Variants in TMTC2 observed in about 807,000 individuals in gnomAD.
TMTC2 encodes the protein protein O-mannosyl-transferase TMTC2.
Under a neutral mutation model 82.4 loss-of-function variants are expected in TMTC2, and 43 were observed. That is an observed-to-expected ratio of 0.52 (90% CI 0.41 to 0.67). The LOEUF is 0.67. Ranked by LOEUF, TMTC2 falls within the 30% of genes least tolerant of loss-of-function variation. The pLI is 0.00. For synonymous variants in TMTC2, 408 were observed against 381.9 expected, an observed-to-expected ratio of 1.07 and a Z score of -0.80; for missense variants, 919 against 1,012.4, an observed-to-expected ratio of 0.91 and a Z score of 1.25.
At chr12:83,049,451 A>G (rs1020813834) in intron 9 of TMTC2, among the ~76,000 whole-genome samples, 44 of 152,142 alleles carry the variant, frequency 2.9e-4, no homozygotes, top group Non-Finnish European at 5.1e-4. Flanking sequence ...GCTTCAGATT[A>G]TGGCCTCCAG....
chr12:82,821,359 C>T (rs1227209087), intron 1 of TMTC2, among the ~76,000 whole-genome samples: 1 of 152,124 alleles, frequency 6.6e-6, no homozygotes, highest in Non-Finnish European at 1.5e-5. Context: ...CTAAAAGATT[C>T]ATGATGCCAA....
intron 2 of TMTC2, among the ~76,000 whole-genome samples, chr12:82,880,555 G>C (rs1384919117): frequency 1.3e-5 from 2 of 152,156 alleles, no homozygotes; most frequent in African/African-American, 4.8e-5. Context: ...CAGTTAACCG[G>C]TCCCTTCCAC....
Position 82,995,321 on chromosome 12 carries a change from G to T in TMTC2, c.2070+9275G>T, listed in dbSNP as rs564820565. On this transcript the variant is annotated intron_variant, in intron 8 of 11. Coordinates refer to ENST00000321196, the MANE Select transcript of TMTC2 (RefSeq NM_152588.3). Reference sequence around the variant, plus strand: ...ATGTATTTTTTCCTTGTGGCATTTGGTTATACACACACACATACACACACA... The same window carrying T: ...ATGTATTTTTTCCTTGTGGCATTTGTTTATACACACACACATACACACACA... 4.6e-5 allele frequency among the ~76,000 whole-genome samples: 4 copies of T among 87,154 alleles called. No homozygotes were observed. In the South Asian group the frequency reaches 2.7e-3, roughly 58 times the overall value. The allele number at this position is 87,154 out of a possible 152,430, so 57.2% of individuals were successfully genotyped here. A position where few individuals can be genotyped will look rare whatever the true frequency, so the allele number is the denominator to read the frequency against.
At chr12:82,886,024 T>C (rs188448477) in intron 2 of TMTC2, among the ~76,000 whole-genome samples, 1 of 152,364 alleles carries the variant, frequency 6.6e-6, no homozygotes, top group Admixed American at 6.5e-5. Context: ...GTATCACTTA[T>C]CAATATGGAC....
intron 1 of TMTC2, among the ~76,000 whole-genome samples, chr12:82,851,596 T>C (rs942192329): frequency 4.6e-5 from 7 of 152,194 alleles, no homozygotes; most frequent in African/African-American, 1.7e-4. Context: ...CTCACAACTT[T>C]AGTGTATCCA....
chr12:82,785,109 C>T (rs1015951056), intron 1 of TMTC2, among the ~76,000 whole-genome samples: 1 of 152,034 alleles, frequency 6.6e-6, no homozygotes, highest in African/African-American at 2.4e-5. Context: ...CATAGAGATC[C>T]ATGCCAATGG....
At chr12:83,099,159 A>G (rs1373664392) in intron 11 of TMTC2, among the ~76,000 whole-genome samples, 1 of 152,176 alleles carries the variant, frequency 6.6e-6, no homozygotes, top group East Asian at 1.9e-4. Flanking sequence ...CTGCTTTTCA[A>G]ATGAATGAAA....
Position 83,030,928 on chromosome 12 carries a change from T to C in TMTC2, c.2152+49T>C, listed in dbSNP as rs201720445. ...CCATGTCCCCCACATTTACTATTAA[T>C]GTTGATATGAGATCTAGGCTTTGCT... On this transcript the variant is annotated intron_variant, in intron 9 of 11. Transcript: ENST00000321196. 1.6e-4 allele frequency: 216 copies of C among 1,360,384 alleles called. No homozygotes were observed. In the African/African-American group the frequency reaches 2.8e-3, roughly 18 times the overall value. 84.3% of individuals were successfully genotyped at this position (1,360,384 alleles called of 1,614,324 possible). A position where few individuals can be genotyped will look rare whatever the true frequency, so the allele number is the denominator to read the frequency against.
At chr12:82,962,493 A>G (rs1014281049) in intron 4 of TMTC2, among the ~76,000 whole-genome samples, 1 of 152,090 alleles carries the variant, frequency 6.6e-6, no homozygotes, top group Admixed American at 6.6e-5. Context: ...AATTGTGAAG[A>G]TAAGTGAAGA....
At chr12:83,064,282 T>A (rs77317142) in intron 11 of TMTC2, among the ~76,000 whole-genome samples, 10,348 of 151,892 alleles carry the variant, frequency 0.068, 1,170 homozygotes, top group African/African-American at 0.24. Context: ...GTGAAATAGT[T>A]AATTTTAAAA....
At chr12:82,948,233 C>A (rs1427854774) in intron 4 of TMTC2, among the ~76,000 whole-genome samples, 1 of 152,076 alleles carries the variant, frequency 6.6e-6, no homozygotes, top group Non-Finnish European at 1.5e-5. Context: ...GGCCTGGTGG[C>A]AAATGCCGAT....
intron 1 of TMTC2, among the ~76,000 whole-genome samples, chr12:82,696,576 A>G (rs1174885541): frequency 1.3e-5 from 2 of 152,130 alleles, no homozygotes; most frequent in Non-Finnish European, 1.5e-5. Flanking sequence ...TCACCTCTCT[A>G]TTTAAGTTTA....
chr12:82,911,073 A>G (rs902619157), intron 3 of TMTC2, among the ~76,000 whole-genome samples: 13 of 151,556 alleles, frequency 8.6e-5, no homozygotes, highest in African/African-American at 2.7e-4. Flanking sequence ...GTAGAGACAG[A>G]GTTTCACCGT....
intron 11 of TMTC2, among the ~76,000 whole-genome samples, chr12:83,130,325 T>C (rs980805496): frequency 1.3e-5 from 2 of 152,194 alleles, no homozygotes; most frequent in Non-Finnish European, 2.9e-5. Flanking sequence ...AACAAAGTTC[T>C]TTTAGGAAGA....
intron 1 of TMTC2, among the ~76,000 whole-genome samples, chr12:82,752,631 T>A (rs1362991397): frequency 6.6e-6 from 1 of 151,852 alleles, no homozygotes; most frequent in Non-Finnish European, 1.5e-5. Context: ...AAAGACCAAC[T>A]ACCACCTCCA....
chr12:83,091,794 C>G (rs984874474), intron 11 of TMTC2, among the ~76,000 whole-genome samples: 1 of 152,176 alleles, frequency 6.6e-6, no homozygotes, highest in African/African-American at 2.4e-5. Flanking sequence ...GAGAAGGCCT[C>G]CCTCACACTG....
intron 1 of TMTC2, among the ~76,000 whole-genome samples, chr12:82,817,653 C>A (rs574132197): frequency 6.6e-6 from 1 of 152,138 alleles, no homozygotes; most frequent in South Asian, 2.1e-4. Context: ...AGTCATTAAA[C>A]TTTGTCTCAT....
chr12:83,113,733 G>A (rs1473330050), intron 11 of TMTC2, among the ~76,000 whole-genome samples: 2 of 152,168 alleles, frequency 1.3e-5, no homozygotes, highest in African/African-American at 2.4e-5. Context: ...ATGTATCAAC[G>A]AAGTCTTGGC....
At chr12:82,911,785 T>A (rs1874677684) in intron 3 of TMTC2, among the ~76,000 whole-genome samples, 1 of 151,968 alleles carries the variant, frequency 6.6e-6, no homozygotes, top group African/African-American at 2.4e-5. Flanking sequence ...AAGTTTTGTA[T>A]TTTTAGTAGA....
Sources: gnomAD v4.1 joint callset for allele counts (sites outside exome capture counted in the v4.1 genomes callset) on GRCh38, gnomAD v4.1.1 for gene constraint, MANE v1.5 for transcripts, NCBI Gene and HGNC (gene_info 2026-07-23, HGNC 2026-07-21) for gene names.